SIPA1L1: variants seen among roughly 807,000 people sequenced by gnomAD.
The protein encoded by SIPA1L1 is signal induced proliferation associated 1 like 1, also known as signal-induced proliferation-associated 1-like protein 1.
In SIPA1L1, 26 loss-of-function variants were observed where a neutral mutation model predicts 162.7. The ratio of observed to expected loss-of-function variants is 0.16; its 90% CI spans 0.12 to 0.22. The LOEUF (loss-of-function observed/expected upper bound fraction) is 0.22, where lower values mean the gene tolerates loss of function less well. Ranked by LOEUF, SIPA1L1 falls within the 10% of genes least tolerant of loss-of-function variation. The pLI is 1.00. For synonymous variants in SIPA1L1, 829 were observed against 837.4 expected (o/e 0.99, Z 0.17); for missense variants, 1,874 against 2,241.0 (o/e 0.84, Z 3.31).
intron 7 of SIPA1L1, among the ~76,000 whole-genome samples, chr14:71,646,842 A>C (rs561231737): frequency 2.6e-5 from 4 of 152,172 alleles, no homozygotes; most frequent in Non-Finnish European, 5.9e-5. Flanking sequence ...TCATTACCTT[A>C]AAGTATTGTA....
intron 4 of SIPA1L1, among the ~76,000 whole-genome samples, chr14:71,553,741 C>G (rs1173370516): frequency 6.6e-6 from 1 of 152,138 alleles, no homozygotes; most frequent in African/African-American, 2.4e-5. Context: ...TTAGGTAGGG[C>G]TACTCTACAT....
At chr14:71,363,385 A>G (rs2140900884) in intron 2 of SIPA1L1, among the ~76,000 whole-genome samples, 1 of 151,982 alleles carries the variant, frequency 6.6e-6, no homozygotes, top group South Asian at 2.1e-4. Flanking sequence ...GAAACAACGT[A>G]ATCACCCTCC....
At chr14:71,712,617 C>A (rs1213725012) in intron 17 of SIPA1L1, among the ~76,000 whole-genome samples, 1 of 152,058 alleles carries the variant, frequency 6.6e-6, no homozygotes, top group Non-Finnish European at 1.5e-5. Context: ...TCATTTTCTT[C>A]TTAGCGTTCT....
chr14:71,513,137 C>T (rs2051333184), intron 3 of SIPA1L1, among the ~76,000 whole-genome samples: 1 of 152,164 alleles, frequency 6.6e-6, no homozygotes, highest in African/African-American at 2.4e-5. Flanking sequence ...CATGGTCACT[C>T]ATGTTTGGTT....
At chr14:71,434,335 A>G (rs762427354) in intron 2 of SIPA1L1, among the ~76,000 whole-genome samples, 2 of 152,338 alleles carry the variant, frequency 1.3e-5, no homozygotes, top group East Asian at 1.9e-4. Flanking sequence ...CTTATTAGCA[A>G]TATGTAGAAG....
chr14:71,492,589 A>G (rs2049369311), intron 2 of SIPA1L1, among the ~76,000 whole-genome samples: 1 of 152,100 alleles, frequency 6.6e-6, no homozygotes, highest in South Asian at 2.1e-4. Context: ...GTGTGATAGG[A>G]CCAGGCCCGT....
intron 2 of SIPA1L1, among the ~76,000 whole-genome samples, chr14:71,405,775 C>T (rs1378904560): frequency 1.3e-5 from 2 of 152,184 alleles, no homozygotes; most frequent in Non-Finnish European, 2.9e-5. Flanking sequence ...TCTTTTATCT[C>T]TGACCCTGGC....
chr14:71,725,730 G>GT (rs1450964556), intron 19 of SIPA1L1, among the ~76,000 whole-genome samples: 1 of 152,176 alleles, frequency 6.6e-6, no homozygotes, highest in Non-Finnish European at 1.5e-5. Context: ...CTGAGTATAG[G>GT]TATTTCTGTC....
At chr14:71,452,197 A>G (rs2045881642) in intron 2 of SIPA1L1, among the ~76,000 whole-genome samples, 1 of 151,036 alleles carries the variant, frequency 6.6e-6, no homozygotes, top group Admixed American at 6.6e-5. Flanking sequence ...CCATTTCAGT[A>G]CCAACCACCC....
rs765177299 is a variant in SIPA1L1, at chr14:71,730,250, T to A, written c.4810T>A (p.Ser1604Thr). The A allele has an allele frequency of 6.2e-7, 1 of 1,614,162 alleles. No homozygotes were observed. Among genetic ancestry groups the A allele is most frequent in the Non-Finnish European group, 8.5e-7 (1 of 1,180,024 alleles). ...TAGCACGTACCCTTCTCTCCCCAAG[T>A]CGCTCCCGTTGAGGAGGCCTTCTTA... ...FSSTYPSLPK[S>T]LPLRRPSYTL... The change falls in exon 20 of 24, where the codon TCG (serine) becomes ACG (threonine). Residue 1604 changes from serine (S) to threonine (T), a missense_variant. Around this residue, in one of 5 missense-constraint regions of SIPA1L1, gnomAD observed 936 missense variants for 1,051.9 expected, o/e 0.89. Transcript: ENST00000381232.
chr14:71,514,071 T>C (rs1485420262), intron 3 of SIPA1L1, among the ~76,000 whole-genome samples: 3 of 152,080 alleles, frequency 2.0e-5, no homozygotes, highest in Admixed American at 6.5e-5. Flanking sequence ...GAGGCAAGTT[T>C]TAGAGCAGGA....
At chr14:71,348,739 C>G (rs1008668559) in intron 2 of SIPA1L1, among the ~76,000 whole-genome samples, 1 of 152,212 alleles carries the variant, frequency 6.6e-6, no homozygotes, top group East Asian at 1.9e-4. Flanking sequence ...AAAGGGATTT[C>G]AGAGTAATTC....
At chr14:71,474,855 GA>G (rs955189058) in intron 2 of SIPA1L1, among the ~76,000 whole-genome samples, 3 of 151,764 alleles carry the variant, frequency 2.0e-5, no homozygotes, top group Non-Finnish European at 2.9e-5. Context: ...ATTCCAGCCT[GA>G]AAAAAAACCC....
chr14:71,724,561 A>G (rs990183606), intron 18 of SIPA1L1, 109 bp from the exon 19 acceptor site: 1 of 809,840 alleles, frequency 1.2e-6, no homozygotes, highest in Non-Finnish European at 1.9e-6. Flanking sequence ...GTTTCTCCAC[A>G]TAATATTTCT....
intron 2 of SIPA1L1, among the ~76,000 whole-genome samples, chr14:71,329,431 T>C (rs557702540): frequency 6.6e-6 from 1 of 152,112 alleles, no homozygotes; most frequent in African/African-American, 2.4e-5. Flanking sequence ...TTTTTTTTTT[T>C]TTCAAATTAA....
At chr14:71,664,272 A>G (rs1349088600) in intron 10 of SIPA1L1, among the ~76,000 whole-genome samples, 1 of 152,126 alleles carries the variant, frequency 6.6e-6, no homozygotes, top group East Asian at 1.9e-4. Context: ...ATATGAATTT[A>G]TAGGCCTGTT....
intron 10 of SIPA1L1, among the ~76,000 whole-genome samples, chr14:71,663,487 A>G (rs1314674913): frequency 2.0e-5 from 3 of 152,184 alleles, no homozygotes; most frequent in South Asian, 2.1e-4. Context: ...TTTTTAAATC[A>G]TATATTAATT....
chr14:71,637,904 C>G (rs1458174992), intron 7 of SIPA1L1, among the ~76,000 whole-genome samples: 2 of 151,962 alleles, frequency 1.3e-5, no homozygotes, highest in East Asian at 3.9e-4. Flanking sequence ...CACCAACGCC[C>G]CCAATAGCAA....
At chr14:71,539,030 G>A (rs557646000) in intron 4 of SIPA1L1, among the ~76,000 whole-genome samples, 43 of 152,168 alleles carry the variant, frequency 2.8e-4, no homozygotes, top group Non-Finnish European at 5.7e-4. Flanking sequence ...CTGTTTTTCA[G>A]CACAAGGGAA....
Sources: allele counts gnomAD v4.1 joint callset (sites outside exome capture counted in the v4.1 genomes callset), GRCh38; gene constraint gnomAD v4.1.1; regional missense constraint gnomAD v4.1.1; transcripts MANE v1.5; gene names NCBI Gene and HGNC (gene_info 2026-07-23, HGNC 2026-07-21).